Variants in PIEZO2 observed in about 807,000 individuals in gnomAD.
The protein encoded by PIEZO2 is piezo-type mechanosensitive ion channel component 2.
In PIEZO2, 172 loss-of-function variants were observed where a neutral mutation model predicts 337.3. That is an observed-to-expected ratio of 0.51 (90% CI 0.45 to 0.58). The LOEUF (loss-of-function observed/expected upper bound fraction) is 0.58, where lower values mean the gene tolerates loss of function less well. Among genes scored for constraint, PIEZO2 ranks in the 20% least tolerant of loss-of-function variants. The probability of loss-of-function intolerance (pLI) is 0.00; values close to 1 mark genes in which losing one functional copy is unlikely to be tolerated. For missense variants in PIEZO2, 3,028 were observed against 3,391.3 expected (o/e 0.89, Z 2.66); for synonymous variants, 1,251 against 1,228.5 (o/e 1.02, Z -0.38).
Position 11,035,389 on chromosome 18 carries a change from C to A in PIEZO2, c.160+30738G>T, listed in dbSNP as rs1443423389. Among the ~76,000 whole-genome samples the A allele has an allele frequency of 1.3e-5, 2 of 152,050 alleles. No homozygotes were observed. Among genetic ancestry groups the A allele is most frequent in the Non-Finnish European group, 2.9e-5 (2 of 68,020 alleles). On this transcript the variant is annotated intron_variant, in intron 2 of 55. Transcript: ENST00000674853. This position sits in a 1 kb window ranked among gnomAD's most constrained non-coding sequence, Gnocchi z 4.3. Reference sequence around the variant, plus strand: ...TGCAACAGGCTTGCCCCCTCCTTGCCTTCCACAATGAGTAAAAGCTTCCTG... The same window carrying A: ...TGCAACAGGCTTGCCCCCTCCTTGCATTCCACAATGAGTAAAAGCTTCCTG...
chr18:10,757,108 A>G (rs2037899893), intron 27 of PIEZO2, among the ~76,000 whole-genome samples: 1 of 133,636 alleles, frequency 7.5e-6, no homozygotes, highest in South Asian at 2.5e-4. Flanking sequence ...TGGGGAGGAG[A>G]AATGGGGATA....
intron 7 of PIEZO2, among the ~76,000 whole-genome samples, chr18:10,826,624 G>A (rs1024644485): frequency 6.6e-6 from 1 of 152,104 alleles, no homozygotes; most frequent in African/African-American, 2.4e-5. Context: ...TCTTCCTTCA[G>A]TGAAATAACA....
chr18:10,945,772 T>C lies in PIEZO2; in HGVS notation c.286+33763A>G, dbSNP rs2032988838. 6.6e-6 allele frequency among the ~76,000 whole-genome samples: 1 copy of C among 152,192 alleles called. No homozygotes were observed. Among genetic ancestry groups the C allele is most frequent in the Non-Finnish European group, 1.5e-5 (1 of 68,034 alleles). ...AAGGCAAGAAAATAAAAAGTTATTATAATTGCATTCCATATGTTCAAACAG... is the reference window on the plus strand; with the variant it reads ...AAGGCAAGAAAATAAAAAGTTATTACAATTGCATTCCATATGTTCAAACAG... On this transcript the variant is annotated intron_variant, in intron 3 of 55. Transcript: ENST00000674853. The surrounding 1 kb of genome is among the most constrained non-coding windows in gnomAD (Gnocchi z 4.0).
In PIEZO2 at chr18:11,116,591, C is replaced by CG. The variant is rs1202782906; in HGVS notation, c.64+31933_64+31934insC. Among the ~76,000 whole-genome samples the CG allele has an allele frequency of 6.6e-6, 1 of 151,940 alleles. No individual in the cohort carries two copies. Among genetic ancestry groups the CG allele is most frequent in the African/African-American group, 2.4e-5 (1 of 41,350 alleles). On this transcript the variant is annotated intron_variant, in intron 1 of 55. Coordinates refer to ENST00000674853, the MANE Select transcript of PIEZO2 (RefSeq NM_001378183.1). The surrounding 1 kb of genome is among the most constrained non-coding windows in gnomAD (Gnocchi z 5.0). ...TTAGCCGGGCGTGGTGGCGGGGGGCCTGTAGTCCCAGCTACTCGGGAGGCT... is the reference window on the plus strand; with the variant it reads ...TTAGCCGGGCGTGGTGGCGGGGGGCCGTGTAGTCCCAGCTACTCGGGAGGCT...
intron 1 of PIEZO2, among the ~76,000 whole-genome samples, chr18:11,120,188 G>A (rs901994621): frequency 4.6e-5 from 7 of 152,104 alleles, no homozygotes; most frequent in African/African-American, 1.7e-4. Context: ...GTAATACTTG[G>A]TTAATAAATC....
chr18:10,723,776 A>G (rs1377489204), intron 36 of PIEZO2, among the ~76,000 whole-genome samples: 1 of 152,172 alleles, frequency 6.6e-6, no homozygotes, highest in Non-Finnish European at 1.5e-5. Flanking sequence ...AAGATCCCTC[A>G]GATAGGGGAC....
At position 10,973,122 on chromosome 18, in the gene PIEZO2, C is replaced by T. The variant is rs192359231; in HGVS notation, c.286+6413G>A. Among the ~76,000 whole-genome samples, 454 of 152,316 alleles carry T rather than the reference C, an allele frequency of 3.0e-3. 4 individuals carry two copies. Among genetic ancestry groups the T allele is most frequent in the African/African-American group, 0.01 (436 of 41,576 alleles). ...TAAAATGAGATATTCTATTTGAAAA[C>T]TGCTGCATAAAGTGAGCATCCATAT... On this transcript the variant is annotated intron_variant, in intron 3 of 55. Transcript: ENST00000674853. The surrounding 1 kb of genome is among the most constrained non-coding windows in gnomAD (Gnocchi z 4.9).
chr18:10,898,377 C>G (rs1235430634), intron 4 of PIEZO2, among the ~76,000 whole-genome samples: 1 of 151,572 alleles, frequency 6.6e-6, no homozygotes, highest in Non-Finnish European at 1.5e-5. Flanking sequence ...GCCGAAATTG[C>G]GCCAGTGCAC....
intron 2 of PIEZO2, among the ~76,000 whole-genome samples, chr18:11,056,961 T>C (rs1279439700): frequency 6.6e-6 from 1 of 152,192 alleles, no homozygotes; most frequent in African/African-American, 2.4e-5. Context: ...CATCTGTGAG[T>C]AACTAGGAAT....
rs1478470755 is a variant in PIEZO2 at position 10,944,488 on chromosome 18, CATATATATATATATATATCTTAGTAACAG to C, written c.287-33289_287-33261del. On this transcript the variant is annotated intron_variant, in intron 3 of 55. Transcript: ENST00000674853. ...TGACAGATTATATATATCTTAGTAA[CATATATATATATATATATCTTAGTAACAG>C]ATATATATATATATATATATATATA... Among the ~76,000 whole-genome samples, 1,012 of 132,862 alleles carry C rather than the reference CATATATATATATATATATCTTAGTAACAG, an allele frequency of 7.6e-3. 10 individuals are homozygous for C. Among genetic ancestry groups the C allele is most frequent in the Middle Eastern group, 0.014 (3 of 222 alleles). 87.2% of individuals were successfully genotyped at this position (132,862 alleles called of 152,430 possible).
Position 11,125,973 on chromosome 18 carries a change from C to T in PIEZO2, c.64+22552G>A, listed in dbSNP as rs2040170455. On this transcript the variant is annotated intron_variant, in intron 1 of 55. Coordinates refer to ENST00000674853, the MANE Select transcript of PIEZO2 (RefSeq NM_001378183.1). The surrounding 1 kb of genome is among the most constrained non-coding windows in gnomAD (Gnocchi z 4.4). ...TACCATAAGATGGACAGACAAGTAGCACGTGACTGTGGTTTTATCCAGAGT... is the reference window on the plus strand; with the variant it reads ...TACCATAAGATGGACAGACAAGTAGTACGTGACTGTGGTTTTATCCAGAGT... Among the ~76,000 whole-genome samples, 1 of 152,232 alleles carries T rather than the reference C, an allele frequency of 6.6e-6. No homozygotes were observed.
chr18:11,126,587 T>C lies in PIEZO2; in HGVS notation c.64+21938A>G, dbSNP rs2040190080. ...AGAACTACAGAGAAGCTGAACTATC[T>C]ATGGTTTAAAGAGGATCTCAAGAGC... is the stretch of plus-strand genomic sequence containing the variant. On this transcript the variant is annotated intron_variant, in intron 1 of 55. Transcript: ENST00000674853. This position sits in a 1 kb window ranked among gnomAD's most constrained non-coding sequence, Gnocchi z 4.6. 6.6e-6 allele frequency among the ~76,000 whole-genome samples: 1 copy of C among 151,944 alleles called. No homozygotes were observed. Among genetic ancestry groups the C allele is most frequent in the African/African-American group, 2.4e-5 (1 of 41,378 alleles).
In PIEZO2 at chr18:11,097,860, G is replaced by T. The variant is rs1009990129; in HGVS notation, c.65-31638C>A. Among the ~76,000 whole-genome samples, 4 of 152,110 alleles carry T rather than the reference G, an allele frequency of 2.6e-5. No individual in the cohort carries two copies. Among genetic ancestry groups the T allele is most frequent in the Non-Finnish European group, 5.9e-5 (4 of 68,000 alleles). On this transcript the variant is annotated intron_variant, in intron 1 of 55. Transcript: ENST00000674853. The surrounding 1 kb of genome is among the most constrained non-coding windows in gnomAD (Gnocchi z 5.0). Reference sequence around the variant, plus strand: ...CTTCTATGTTTTGTCTTTATTCAAAGAATTTAAAATGCTACATGGTGGCAA... The same window carrying T: ...CTTCTATGTTTTGTCTTTATTCAAATAATTTAAAATGCTACATGGTGGCAA...
chr18:10,777,292 T>A (rs2038824738), intron 18 of PIEZO2, among the ~76,000 whole-genome samples: 1 of 152,230 alleles, frequency 6.6e-6, no homozygotes, highest in Non-Finnish European at 1.5e-5. Flanking sequence ...CAAGTATTTG[T>A]TTGTGTCTTC....
chr18:10,710,578 G>A (rs1017225886), intron 39 of PIEZO2, among the ~76,000 whole-genome samples: 11 of 152,202 alleles, frequency 7.2e-5, no homozygotes, highest in African/African-American at 2.4e-4. Context: ...GACTATTCTC[G>A]TAAGTCAAAG....
intron 1 of PIEZO2, among the ~76,000 whole-genome samples, chr18:11,133,601 G>A (rs1208217952): frequency 2.6e-5 from 4 of 152,160 alleles, no homozygotes; most frequent in South Asian, 2.1e-4. Context: ...GCAGAAAAAC[G>A]TGAAAAGGAG....
chr18:10,730,129 G>A (rs2036706013), intron 36 of PIEZO2, among the ~76,000 whole-genome samples: 1 of 152,204 alleles, frequency 6.6e-6, no homozygotes, highest in South Asian at 2.1e-4. Flanking sequence ...GCGTGGGACT[G>A]ATCTGTACTA....
intron 1 of PIEZO2, among the ~76,000 whole-genome samples, chr18:11,122,673 T>C (rs1469708820): frequency 1.3e-5 from 2 of 152,176 alleles, no homozygotes; most frequent in Non-Finnish European, 2.9e-5. Context: ...AGTAACATTA[T>C]TGAGGAGAGA....
At chr18:11,142,093 T>C (rs565309007) in intron 1 of PIEZO2, among the ~76,000 whole-genome samples, 48 of 152,214 alleles carry the variant, frequency 3.2e-4, no homozygotes, top group African/African-American at 1.2e-3. Flanking sequence ...AAATAGCAAG[T>C]CATAATCAGA....
Sources: allele counts gnomAD v4.1 joint callset (sites outside exome capture counted in the v4.1 genomes callset), GRCh38; gene constraint gnomAD v4.1.1; non-coding constraint Gnocchi (gnomAD v3.1); transcripts MANE v1.5; gene names NCBI Gene and HGNC (gene_info 2026-07-23, HGNC 2026-07-21).